Variants in PPWD1 observed in about 807,000 individuals in gnomAD.
The protein encoded by PPWD1 is peptidylprolyl isomerase domain and WD repeat-containing protein 1.
A neutral mutation model predicts 68.8 loss-of-function variants in PPWD1; 43 were observed. The observed-to-expected ratio is 0.62, with a 90% CI of 0.49 to 0.81. The LOEUF (loss-of-function observed/expected upper bound fraction) is 0.81, where lower values mean the gene tolerates loss of function less well. Among genes scored for constraint, PPWD1 ranks in the 30% least tolerant of loss-of-function variants. The probability of loss-of-function intolerance (pLI) is 0.00; values close to 1 mark genes in which losing one functional copy is unlikely to be tolerated. For synonymous variants in PPWD1, 232 were observed against 258.7 expected (o/e 0.90, Z 0.99); for missense variants, 672 against 804.8 (o/e 0.83, Z 2.00).
intron 6 of PPWD1, among the ~76,000 whole-genome samples, chr5:65,577,970 CCAT>C (rs1191369906): frequency 6.6e-6 from 1 of 152,182 alleles, no homozygotes; most frequent in Non-Finnish European, 1.5e-5. Flanking sequence ...CATGTATCCA[CCAT>C]CATATTATCA....
chr5:65,571,833 T>C lies in PPWD1; in HGVS notation c.522-6T>C. 1 of 1,609,702 alleles carries C rather than the reference T, an allele frequency of 6.2e-7. No individual in the cohort carries two copies. Among genetic ancestry groups the C allele is most frequent in the Non-Finnish European group, 8.5e-7 (1 of 1,177,062 alleles). The stretch of plus-strand genomic sequence containing the variant: ...TTTTTTCCCTCTCAATTCTTTACGA[T>C]TTTAGCTATTTTCCTGGACAGTGTG... On this transcript the variant is annotated splice_polypyrimidine_tract_variant and splice_region_variant and intron_variant, in intron 4 of 10. Transcript: ENST00000261308.
chr5:65,578,302 C>T (rs1177908599), intron 6 of PPWD1, among the ~76,000 whole-genome samples: 2 of 152,192 alleles, frequency 1.3e-5, no homozygotes, highest in Non-Finnish European at 2.9e-5. Flanking sequence ...CTGCTATAAT[C>T]ATCTGTGTAC....
At chr5:65,575,113 T>C (rs1181115241) in intron 5 of PPWD1, among the ~76,000 whole-genome samples, 1 of 152,190 alleles carries the variant, frequency 6.6e-6, no homozygotes, top group Admixed American at 6.5e-5. Context: ...GGCTGTGCAG[T>C]TGAATATCAC....
chr5:65,576,441 A>G (rs1390221371), intron 5 of PPWD1: 11 of 714,518 alleles, frequency 1.5e-5, no homozygotes, highest in Non-Finnish European at 1.7e-5. Context: ...CAGTGGCGCA[A>G]TTTCGGCTCA....
At chr5:65,581,111 T>C (rs1753575930) in intron 7 of PPWD1, among the ~76,000 whole-genome samples, 1 of 152,208 alleles carries the variant, frequency 6.6e-6, no homozygotes, top group Non-Finnish European at 1.5e-5. Context: ...TTGATAAATG[T>C]ATGAAATAGC....
intron 1 of PPWD1, chr5:65,563,911 G>T: frequency 7.3e-7 from 1 of 1,361,398 alleles, no homozygotes; most frequent in Non-Finnish European, 1.0e-6. Context: ...ATGTGTTGGG[G>T]CGCGAGAGGA....
At chr5:65,583,250 T>A in intron 8 of PPWD1, 31 bp downstream of exon 8, 1 of 1,458,888 alleles carries the variant, frequency 6.9e-7, no homozygotes, top group East Asian at 2.4e-5. Context: ...TATTGGCTTA[T>A]GTAATTAAGA....
At chr5:65,573,422 A>AGCTGGGACTATAG (rs1171821605) in intron 5 of PPWD1, among the ~76,000 whole-genome samples, 55 of 140,558 alleles carry the variant, frequency 3.9e-4, no homozygotes, top group African/African-American at 1.5e-3. Context: ...CTTCCCAAGT[A>AGCTGGGACTATAG]GCTGGGACTA....
chr5:65,583,990 T>C (rs1176635999), intron 8 of PPWD1, among the ~76,000 whole-genome samples: 2 of 151,796 alleles, frequency 1.3e-5, no homozygotes, highest in African/African-American at 2.4e-5. Flanking sequence ...AGGGCTTCAA[T>C]TGAAAAAAAG....
At chr5:65,568,857 A>C in intron 2 of PPWD1, 1 of 454,302 alleles carries the variant, frequency 2.2e-6, no homozygotes, top group Admixed American at 2.4e-5. Flanking sequence ...GTATATATAT[A>C]CATATTAGCA....
intron 4 of PPWD1, among the ~76,000 whole-genome samples, chr5:65,571,399 G>T (rs1561723943): frequency 6.6e-6 from 1 of 152,024 alleles, no homozygotes; most frequent in Non-Finnish European, 1.5e-5. Flanking sequence ...TTGACGTATT[G>T]TCATAATAAA....
Position 65,587,502 on chromosome 5 carries a change from G to A in PPWD1, c.*106G>A, listed in dbSNP as rs975045765. The A allele has an allele frequency of 2.5e-5, 22 of 884,690 alleles. No individual in the cohort carries two copies. Among genetic ancestry groups the A allele is most frequent in the Non-Finnish European group, 3.4e-5 (22 of 641,546 alleles). 54.8% of individuals were successfully genotyped at this position (884,690 alleles called of 1,614,324 possible). On this transcript the variant is annotated 3_prime_UTR_variant, in exon 11 of 11. Transcript: ENST00000261308. Reference sequence around the variant, plus strand: ...CTGAATATACAGATCATGTTTCAAAGATACAGTATTTTTGTATTTTTTATT... The same window carrying A: ...CTGAATATACAGATCATGTTTCAAAAATACAGTATTTTTGTATTTTTTATT...
intron 1 of PPWD1, among the ~76,000 whole-genome samples, chr5:65,566,799 A>C (rs1476086874): frequency 2.9e-4 from 34 of 118,764 alleles, no homozygotes; most frequent in African/African-American, 3.9e-4. Flanking sequence ...TCCCTCCCTC[A>C]TTCTCTCCAT....
At chr5:65,579,685 C>T (rs1753511277) in intron 7 of PPWD1, 72 bp downstream of exon 7, 3 of 1,130,132 alleles carry the variant, frequency 2.7e-6, no homozygotes, top group South Asian at 2.9e-5. Flanking sequence ...TTGTTTGTAC[C>T]TTCAACTGAA....
chr5:65,578,793 TATA>T (rs1409553564), intron 6 of PPWD1, among the ~76,000 whole-genome samples: 2 of 145,826 alleles, frequency 1.4e-5, no homozygotes, highest in Non-Finnish European at 3.0e-5. Context: ...TGTATATATA[TATA>T]CATATATATG....
chr5:65,579,414 A>G lies in PPWD1; in HGVS notation c.1161-10A>G. The G allele has an allele frequency of 6.8e-7, 1 of 1,481,310 alleles. No homozygotes were observed. The highest frequency in any genetic ancestry group is 9.0e-7 in the Non-Finnish European group (1 of 1,114,234). 91.8% of individuals were successfully genotyped at this position (1,481,310 alleles called of 1,614,324 possible). On this transcript the variant is annotated splice_polypyrimidine_tract_variant and intron_variant, in intron 6 of 10. Coordinates refer to ENST00000261308, the MANE Select transcript of PPWD1 (RefSeq NM_015342.4). Reference sequence around the variant, plus strand: ...TGATTCTGTTGTATAAAACATTGTTATATTTTTAGGTGTGTGCGGATTTTA... The same window carrying G: ...TGATTCTGTTGTATAAAACATTGTTGTATTTTTAGGTGTGTGCGGATTTTA...
intron 4 of PPWD1, chr5:65,570,475 C>A: frequency 5.8e-6 from 2 of 344,492 alleles, no homozygotes; most frequent in Non-Finnish European, 8.2e-6. Context: ...TTAAGCATGT[C>A]TTTTTTAAGA....
chr5:65,586,871 A>C (rs1753874179), intron 10 of PPWD1, among the ~76,000 whole-genome samples: 1 of 152,122 alleles, frequency 6.6e-6, no homozygotes, highest in Non-Finnish European at 1.5e-5. Context: ...CTAATGCCAA[A>C]GTATGTGCTG....
At chr5:65,571,786 C>A in intron 4 of PPWD1, 53 bp from the exon 5 acceptor site, 1 of 1,569,658 alleles carries the variant, frequency 6.4e-7, no homozygotes, top group South Asian at 1.2e-5. Context: ...GGGAGGGATG[C>A]TTGCTTGTTG....
Sources: gnomAD v4.1 joint callset for allele counts (sites outside exome capture counted in the v4.1 genomes callset) on GRCh38, gnomAD v4.1.1 for gene constraint, MANE v1.5 for transcripts, NCBI Gene and HGNC (gene_info 2026-07-23, HGNC 2026-07-21) for gene names.